The following DSTYK variants were observed in gnomAD, a reference collection of about 807,000 sequenced individuals.
The protein encoded by DSTYK is RIP-homologous kinase.
A neutral mutation model predicts 98.7 loss-of-function variants in DSTYK; 34 were observed. The observed-to-expected ratio is 0.34, with a 90% CI of 0.26 to 0.46. The LOEUF is 0.46. Ranked by LOEUF, DSTYK falls within the 20% of genes least tolerant of loss-of-function variation. The probability of loss-of-function intolerance (pLI) is 1.00; values close to 1 mark genes in which losing one functional copy is unlikely to be tolerated. For synonymous variants in DSTYK, 462 were observed against 457.3 expected (o/e 1.01, Z -0.13); for missense variants, 962 against 1,181.7 (o/e 0.81, Z 2.73).
intron 1 of DSTYK, among the ~76,000 whole-genome samples, chr1:205,188,023 C>T (rs545881389): frequency 6.6e-6 from 1 of 152,068 alleles, no homozygotes; most frequent in Non-Finnish European, 1.5e-5. Context: ...TAGCTCACCC[C>T]CTAGGAACAA....
At position 205,209,030 on chromosome 1, in the gene DSTYK, G is replaced by A. The variant is rs555178896; in HGVS notation, c.265+2241C>T. ...TTTTATCTGGGATGGACAGACTCCC[G>A]ATGGTGAAGAGAGTTAAATACGCAA... On this transcript the variant is annotated intron_variant, in intron 1 of 12. Transcript: ENST00000367162. 3.3e-5 allele frequency among the ~76,000 whole-genome samples: 5 copies of A among 152,286 alleles called. 1 individual carries two copies. The highest frequency in any genetic ancestry group is 9.6e-5 in the African/African-American group (4 of 41,560).
intron 1 of DSTYK, among the ~76,000 whole-genome samples, chr1:205,199,096 T>C (rs762450339): frequency 6.6e-6 from 1 of 152,212 alleles, no homozygotes; most frequent in African/African-American, 2.4e-5. Flanking sequence ...TTTGGGACAA[T>C]TCTGATGTAT....
At chr1:205,168,333 ATTAC>A (rs1657950000) in intron 3 of DSTYK, among the ~76,000 whole-genome samples, 1 of 152,174 alleles carries the variant, frequency 6.6e-6, no homozygotes, top group African/African-American at 2.4e-5. Context: ...CCCTGGGCAA[ATTAC>A]TTACTCTTTC....
chr1:205,173,491 A>G (rs1360563605), intron 2 of DSTYK: 2 of 152,106 alleles, frequency 1.3e-5, no homozygotes, highest in Non-Finnish European at 2.9e-5. Flanking sequence ...TGCCCTAAAG[A>G]CATATTTTTT....
At chr1:205,203,646 T>C (rs1037793941) in intron 1 of DSTYK, among the ~76,000 whole-genome samples, 2 of 148,116 alleles carry the variant, frequency 1.4e-5, no homozygotes, top group African/African-American at 5.0e-5. Flanking sequence ...CTGGGCAAGG[T>C]GGCTCATGCC....
intron 1 of DSTYK, among the ~76,000 whole-genome samples, chr1:205,204,793 C>A (rs1244615848): frequency 6.6e-6 from 1 of 152,184 alleles, no homozygotes; most frequent in African/African-American, 2.4e-5. Context: ...CACTAATCTA[C>A]TTTCTATCTC....
chr1:205,149,765 T>G (rs1316043561), intron 11 of DSTYK, among the ~76,000 whole-genome samples: 1 of 152,226 alleles, frequency 6.6e-6, no homozygotes, highest in Non-Finnish European at 1.5e-5. Context: ...CAACAAGCCT[T>G]GATTCTTCTG....
At chr1:205,200,525 C>T (rs142939463) in intron 1 of DSTYK, among the ~76,000 whole-genome samples, 2,060 of 152,256 alleles carry the variant, frequency 0.014, 26 homozygotes, top group Non-Finnish European at 0.018. Flanking sequence ...TCCATATGCC[C>T]TACACTCCTA....
rs775610801 is a variant in DSTYK at position 205,169,642 on chromosome 1, G to A, written c.845C>T (p.Pro282Leu). ...GTCTATTATCTCCGAGCCCAGTTTCGGCACTTTGAAAAAGAATACAGGAAA... is the reference window on the plus strand; with the variant it reads ...GTCTATTATCTCCGAGCCCAGTTTCAGCACTTTGAAAAAGAATACAGGAAA... ...FSFPVFFFKV[P>L]KLGSEIIDSS... The change falls in exon 3 of 13, where the codon CCG becomes CTG. Residue 282 changes from proline (P) to leucine (L), a missense_variant. This residue lies in a region of DSTYK where 660 missense variants were observed against 855.0 expected (regional missense o/e 0.77). Coordinates refer to ENST00000367162, the MANE Select transcript of DSTYK (RefSeq NM_015375.3). The surrounding 1 kb of genome is among the most constrained non-coding windows in gnomAD (Gnocchi z 4.0). 6.2e-6 allele frequency: 10 copies of A among 1,613,998 alleles called. No homozygotes were observed. Among genetic ancestry groups the A allele is most frequent in the African/African-American group, 1.3e-5 (1 of 74,892 alleles).
chr1:205,178,290 T>C (rs970971762), intron 2 of DSTYK, among the ~76,000 whole-genome samples: 6 of 152,036 alleles, frequency 3.9e-5, no homozygotes, highest in African/African-American at 1.2e-4. Context: ...CGAATGACAA[T>C]GGATTAGGTA....
At chr1:205,201,667 A>G (rs1404924429) in intron 1 of DSTYK, among the ~76,000 whole-genome samples, 1 of 152,212 alleles carries the variant, frequency 6.6e-6, no homozygotes, top group East Asian at 1.9e-4. Flanking sequence ...GCACTATGGT[A>G]GGCACTACTG....
At chr1:205,199,572 A>T (rs989495599) in intron 1 of DSTYK, among the ~76,000 whole-genome samples, 1 of 152,198 alleles carries the variant, frequency 6.6e-6, no homozygotes, top group Non-Finnish European at 1.5e-5. Flanking sequence ...TCCCTGTGTG[A>T]CAAAGAACTG....
chr1:205,170,753 C>T (rs754512732), intron 2 of DSTYK, among the ~76,000 whole-genome samples: 3 of 152,132 alleles, frequency 2.0e-5, no homozygotes, highest in Middle Eastern at 6.8e-3. Context: ...TAGGGGTATC[C>T]GATAAGTGGG....
At chr1:205,207,852 G>T (rs939364038) in intron 1 of DSTYK, among the ~76,000 whole-genome samples, 3 of 147,696 alleles carry the variant, frequency 2.0e-5, no homozygotes, top group East Asian at 4.0e-4. Flanking sequence ...TTCCTCAGAA[G>T]TGCTCAAAGC....
intron 1 of DSTYK, among the ~76,000 whole-genome samples, chr1:205,194,091 C>T (rs780404664): frequency 6.6e-6 from 1 of 152,250 alleles, no homozygotes; most frequent in Non-Finnish European, 1.5e-5. Flanking sequence ...TCATGTCCTA[C>T]TGTCCAATCA....
intron 1 of DSTYK, among the ~76,000 whole-genome samples, chr1:205,196,758 A>ATTT (rs113524415): frequency 0.014 from 1,543 of 109,806 alleles, 45 homozygotes; most frequent in Middle Eastern, 0.042. Context: ...AAAATGGTGA[A>ATTT]TTTTTTTTTT....
intron 1 of DSTYK, among the ~76,000 whole-genome samples, chr1:205,198,227 A>C (rs1658925337): frequency 6.6e-6 from 1 of 152,016 alleles, no homozygotes; most frequent in Non-Finnish European, 1.5e-5. Flanking sequence ...AAAGAAACCA[A>C]CAGAGGAAGC....
intron 2 of DSTYK, among the ~76,000 whole-genome samples, chr1:205,170,048 A>C (rs1658014011): frequency 6.6e-6 from 1 of 152,222 alleles, no homozygotes; most frequent in South Asian, 2.1e-4. Flanking sequence ...AAAACAAAGA[A>C]GTAGAAAGGA....
chr1:205,187,865 A>AGG, intron 1 of DSTYK, 59 bp from the exon 2 acceptor site: 1 of 1,445,794 alleles, frequency 6.9e-7, no homozygotes, highest in Non-Finnish European at 9.3e-7. Context: ...GGAGTGAGGA[A>AGG]GGGGAGAGAG....
Sources: allele counts gnomAD v4.1 joint callset (sites outside exome capture counted in the v4.1 genomes callset), GRCh38; gene constraint gnomAD v4.1.1; regional missense constraint gnomAD v4.1.1; non-coding constraint Gnocchi (gnomAD v3.1); transcripts MANE v1.5; gene names NCBI Gene and HGNC (gene_info 2026-07-23, HGNC 2026-07-21).